The following NID2 variants were observed in gnomAD, a reference collection of about 807,000 sequenced individuals.
The protein encoded by NID2 is nidogen 2, also known as nidogen-2.
A neutral mutation model predicts 145.4 loss-of-function variants in NID2; 83 were observed. The ratio of observed to expected loss-of-function variants is 0.57; its 90% CI spans 0.48 to 0.69. The LOEUF (loss-of-function observed/expected upper bound fraction) is 0.69. NID2 is among the 30% of genes least tolerant of loss of function. The pLI, the probability that NID2 is intolerant of heterozygous loss-of-function variation, is 0.00. For synonymous variants in NID2, 739 were observed against 701.3 expected (o/e 1.05, Z -0.85); for missense variants, 1,807 against 1,765.7 (o/e 1.02, Z -0.42).
At position 52,010,942 on chromosome 14, in the gene NID2, TC is replaced by T. The variant is rs780533925; in HGVS notation, c.3655del (p.Glu1219SerfsTer11). On this transcript the variant is annotated frameshift_variant, in exon 18 of 22. Transcript: ENST00000216286. LOFTEE classifies it high-confidence loss of function. ...KIESALLDGS[E>X]RKVLFYTDLV... ...ATCTGTGTAGAAGAGGACCTTGCGC[TC>T]AGAGCCATCCAGCAGGGCGCTCTCT... 6.2e-7 allele frequency: 1 copy of T among 1,614,056 alleles called. No individual in the cohort carries two copies. The highest frequency in any genetic ancestry group is 1.1e-5 in the South Asian group (1 of 91,072).
intron 7 of NID2, 51 bp downstream of exon 7, chr14:52,042,054 A>G: frequency 6.5e-7 from 1 of 1,530,940 alleles, no homozygotes. Context: ...CCCAAGGAGC[A>G]CCACTGCCAA....
At chr14:52,014,587 C>T (rs143068786) in intron 15 of NID2, 131 bp from the exon 16 acceptor site, 5 of 902,718 alleles carry the variant, frequency 5.5e-6, no homozygotes, top group Non-Finnish European at 8.3e-6. Context: ...AGATGTGCTC[C>T]AGATGTTCTT....
At chr14:52,045,877 G>A (rs1201718854) in intron 5 of NID2, among the ~76,000 whole-genome samples, 2 of 120,458 alleles carry the variant, frequency 1.7e-5, no homozygotes, top group South Asian at 6.6e-4. Flanking sequence ...CTCCCTCGGG[G>A]GCTTTGTGGA....
At chr14:52,030,564 GA>G (rs763025669) in intron 9 of NID2, among the ~76,000 whole-genome samples, 821 of 45,796 alleles carry the variant, frequency 0.018, 44 homozygotes, top group Admixed American at 0.048. Flanking sequence ...AAGAAAGAAA[GA>G]AAGGAAGGAA....
chr14:52,043,268 G>T (rs550924857), intron 5 of NID2, among the ~76,000 whole-genome samples: 2 of 152,166 alleles, frequency 1.3e-5, no homozygotes, highest in Admixed American at 6.5e-5. Context: ...GTCAAAAAGG[G>T]CTAAATATCA....
chr14:52,048,282 A>G (rs1892574563), intron 5 of NID2, among the ~76,000 whole-genome samples: 1 of 152,248 alleles, frequency 6.6e-6, no homozygotes. Flanking sequence ...GACGCACAGC[A>G]GCCAGATAGC....
chr14:52,057,031 T>G (rs1305178825), intron 3 of NID2, among the ~76,000 whole-genome samples: 1 of 152,098 alleles, frequency 6.6e-6, no homozygotes, highest in Non-Finnish European at 1.5e-5. Context: ...GAAAATAACT[T>G]TACTCTTAAT....
intron 1 of NID2, among the ~76,000 whole-genome samples, chr14:52,068,418 G>A (rs939820298): frequency 1.3e-5 from 2 of 152,192 alleles, no homozygotes; most frequent in African/African-American, 2.4e-5. Flanking sequence ...CCATGTCCTC[G>A]GAGAGGAAGC....
At chr14:52,033,652 A>G (rs1168854891) in intron 9 of NID2, among the ~76,000 whole-genome samples, 1 of 152,204 alleles carries the variant, frequency 6.6e-6, no homozygotes, top group African/African-American at 2.4e-5. Flanking sequence ...AGCAGTTCTT[A>G]GGAAGATACT....
rs867871804 is a variant in NID2 at position 52,025,470 on chromosome 14, G to A, written c.2674+1731C>T. Among the ~76,000 whole-genome samples the A allele has an allele frequency of 7.9e-5, 12 of 152,152 alleles. No individual in the cohort carries two copies. In the South Asian group the frequency reaches 2.5e-3, roughly 32 times the overall value. On this transcript the variant is annotated intron_variant, in intron 12 of 21. Transcript: ENST00000216286. ...AAGACACACAGGAATCCCAACTGAG[G>A]GTTACCATCTGTATTAGTCAATTTC...
chr14:52,054,072 G>A lies in NID2; in HGVS notation c.1017C>T (p.His339=), dbSNP rs201082332. ...ATTGGAAGGAAACATCAATGCTGCT[G>A]TGGCCATTCAATGCCTCCTCTGGTT... ...PGEPEEALNG[H]SSIDVSFQSK... The change falls in exon 4 of 22, where the codon CAC becomes CAT. Residue 339 remains histidine, a synonymous_variant. Transcript: ENST00000216286. 1.1e-5 allele frequency: 18 copies of A among 1,614,084 alleles called. No individual in the cohort carries two copies. Among genetic ancestry groups the A allele is most frequent in the Non-Finnish European group, 4.2e-6 (5 of 1,180,046 alleles).
chr14:52,067,115 C>G (rs550138136), intron 2 of NID2, among the ~76,000 whole-genome samples: 54 of 152,192 alleles, frequency 3.5e-4, no homozygotes, highest in Middle Eastern at 3.4e-3. Context: ...AGAACATGTG[C>G]AAAGATTTAG....
At chr14:52,066,519 G>A (rs1893222411) in intron 2 of NID2, among the ~76,000 whole-genome samples, 1 of 152,080 alleles carries the variant, frequency 6.6e-6, no homozygotes, top group Non-Finnish European at 1.5e-5. Flanking sequence ...TCCAAGATGT[G>A]ATTATTACGT....
chr14:52,042,802 C>T lies in NID2; in HGVS notation c.1559G>A (p.Gly520Glu). The part of the protein sequence containing the change: ...CHCQSKFYGN[G>E]KHCLPEGAPH... ...ATTACCTTCAGGCAGACAGTGCTTC[C>T]CATTTCCATAAAACTTGGATTGGCA... The change falls in exon 6 of 22, where the codon GGG (glycine) becomes GAG (glutamate). Residue 520 changes from glycine to glutamate, a missense_variant. Gly to Glu is a moderately conservative substitution (Grantham distance 98, BLOSUM62 -2). Coordinates refer to ENST00000216286, the MANE Select transcript of NID2 (RefSeq NM_007361.4). 6.2e-7 allele frequency: 1 copy of T among 1,614,106 alleles called. No homozygotes were observed. Among genetic ancestry groups the T allele is most frequent in the Non-Finnish European group, 8.5e-7 (1 of 1,179,980 alleles).
rs768230166 is a variant in NID2, at chr14:52,014,139, T to A, written c.3420+148A>T. On this transcript the variant is annotated intron_variant, in intron 16 of 21. Coordinates refer to ENST00000216286, the MANE Select transcript of NID2 (RefSeq NM_007361.4). ...AGAGAGAGCCCTGGTCCTATGGTGG[T>A]GGCATCGGGCCCATGCCGATGGGCT... 309 of 922,008 alleles carry A rather than the reference T, an allele frequency of 3.4e-4. 1 individual carries two copies. The highest frequency in any genetic ancestry group is 6.1e-5 in the Non-Finnish European group (35 of 577,806). The allele number at this position is 922,008 out of a possible 1,614,324, so 57.1% of individuals were successfully genotyped here.
intron 9 of NID2, among the ~76,000 whole-genome samples, chr14:52,030,590 GAA>G (rs1566755773): frequency 6.5e-5 from 2 of 30,864 alleles, no homozygotes; most frequent in Non-Finnish European, 1.8e-4. Context: ...AAGAAAGAAA[GAA>G]AGAAAGAAAG....
intron 16 of NID2, among the ~76,000 whole-genome samples, chr14:52,013,137 G>C (rs1891093420): frequency 6.6e-6 from 1 of 152,170 alleles, no homozygotes; most frequent in African/African-American, 2.4e-5. Context: ...CATAACCTCA[G>C]GTTAGAGAAA....
chr14:52,065,364 G>T (rs1192693036), intron 2 of NID2, among the ~76,000 whole-genome samples: 2 of 150,826 alleles, frequency 1.3e-5, no homozygotes, highest in Non-Finnish European at 2.9e-5. Flanking sequence ...ATTAAAACAA[G>T]AACTCAAGTC....
chr14:52,057,059 G>A (rs996538420), intron 3 of NID2, among the ~76,000 whole-genome samples: 1 of 152,078 alleles, frequency 6.6e-6, no homozygotes, highest in African/African-American at 2.4e-5. Context: ...TTATTTAGAG[G>A]TAGGGTCTCC....
Sources: gnomAD v4.1 joint callset for allele counts (sites outside exome capture counted in the v4.1 genomes callset) on GRCh38, gnomAD v4.1.1 for gene constraint, MANE v1.5 for transcripts, NCBI Gene and HGNC (gene_info 2026-07-23, HGNC 2026-07-21) for gene names.